The following KIAA1549L variants were observed in gnomAD, a reference collection of about 807,000 sequenced individuals.
The protein encoded by KIAA1549L is UPF0606 protein KIAA1549L.
KIAA1549L carries 88 observed loss-of-function variants against 160.7 expected under a neutral mutation model. The ratio of observed to expected loss-of-function variants is 0.55; its 90% confidence interval spans 0.46 to 0.65. KIAA1549L has a LOEUF of 0.65. Among genes scored for constraint, KIAA1549L ranks in the 30% least tolerant of loss-of-function variants. The pLI, the probability that KIAA1549L is intolerant of heterozygous loss-of-function variation, is 0.00. For synonymous variants in KIAA1549L, 950 were observed against 976.7 expected, an observed-to-expected ratio of 0.97 and a Z score of 0.51; for missense variants, 2,258 against 2,437.5, an observed-to-expected ratio of 0.93 and a Z score of 1.55.
chr11:33,452,531 C>A (rs1376517898), intron 1 of KIAA1549L, among the ~76,000 whole-genome samples: 3 of 152,146 alleles, frequency 2.0e-5, no homozygotes, highest in African/African-American at 4.8e-5. Flanking sequence ...TGGCGTGAAC[C>A]CAGGAGGTGG....
chr11:33,615,151 C>T lies in KIAA1549L; in HGVS notation c.5280-3382C>T, dbSNP rs74406349. ...AGCCACCTCCCAAATAAATGACTTA[C>T]ACTCAAATCATTCTAGAACCTGCTT... On this transcript the variant is annotated intron_variant, in intron 15 of 20. Coordinates refer to ENST00000658780, the MANE Select transcript of KIAA1549L (RefSeq NM_012194.3). Among the ~76,000 whole-genome samples, 14 of 152,200 alleles carry T rather than the reference C, an allele frequency of 9.2e-5. No individual in the cohort carries two copies. The East Asian group carries it at 2.7e-3, about 29-fold the overall frequency.
At chr11:33,467,115 T>A (rs1377315642) in intron 1 of KIAA1549L, among the ~76,000 whole-genome samples, 3 of 152,202 alleles carry the variant, frequency 2.0e-5, no homozygotes, top group Non-Finnish European at 4.4e-5. Flanking sequence ...ACTTAAAGTA[T>A]AATAAGAAAA....
At chr11:33,660,504 G>C (rs1210200967) in intron 19 of KIAA1549L, among the ~76,000 whole-genome samples, 1 of 152,082 alleles carries the variant, frequency 6.6e-6, no homozygotes, top group Non-Finnish European at 1.5e-5. Context: ...GGAGGAGTTT[G>C]CAGTGAGCCA....
chr11:33,386,753 G>T (rs1374071469), intron 1 of KIAA1549L, among the ~76,000 whole-genome samples: 2 of 151,820 alleles, frequency 1.3e-5, no homozygotes, highest in Non-Finnish European at 2.9e-5. Context: ...AGGGGTATTG[G>T]TCTGTAGTTT....
chr11:33,591,346 A>G lies in KIAA1549L; in HGVS notation c.4676A>G (p.Asp1559Gly). The change falls in exon 12 of 21, where the codon GAT (aspartate) becomes GGT (glycine). Residue 1559 changes from aspartate (D) to glycine (G), a missense_variant. By Grantham distance (94) the Asp-to-Gly change is moderately conservative. This residue lies in a region of KIAA1549L where 1,359 missense variants were observed against 1,546.6 expected (regional missense o/e 0.88). Transcript: ENST00000658780. ...GTGGTTCTCCCACTGCCCATTAGAGATGCTCCTCAGGAAAGAGACGTCGCT... is the reference window on the plus strand; with the variant it reads ...GTGGTTCTCCCACTGCCCATTAGAGGTGCTCCTCAGGAAAGAGACGTCGCT... ...ETVVLPLPIR[D>G]APQERDVAQD... is the part of the protein sequence containing the mutation. 1 of 1,613,720 alleles carries G rather than the reference A, an allele frequency of 6.2e-7. No individual in the cohort carries two copies. Among genetic ancestry groups the G allele is most frequent in the East Asian group, 2.2e-5 (1 of 44,858 alleles).
intron 1 of KIAA1549L, among the ~76,000 whole-genome samples, chr11:33,393,887 AAAGG>A (rs1203960076): frequency 1.4e-4 from 22 of 152,314 alleles, no homozygotes; most frequent in African/African-American, 3.1e-4. Flanking sequence ...TTGTGTATAT[AAAGG>A]AAGGAAGAGA....
intron 20 of KIAA1549L, among the ~76,000 whole-genome samples, chr11:33,664,003 G>A (rs1415902821): frequency 1.3e-5 from 2 of 152,288 alleles, no homozygotes; most frequent in East Asian, 3.9e-4. Context: ...TCTTTGGTGA[G>A]CCCAATAACC....
chr11:33,422,191 C>T lies in KIAA1549L; in HGVS notation c.238+45302C>T, dbSNP rs186532060. ...GGTATACCTGTGGATGCCCAGGATC[C>T]ACACTTTCGATCTCTTGAATTGGAA... On this transcript the variant is annotated intron_variant, in intron 1 of 20. Transcript: ENST00000658780. Among the ~76,000 whole-genome samples, 206 of 151,904 alleles carry T rather than the reference C, an allele frequency of 1.4e-3. 1 individual carries two copies. The highest frequency in any genetic ancestry group is 4.8e-3 in the African/African-American group (200 of 41,360).
At chr11:33,525,592 C>T (rs559062595) in intron 1 of KIAA1549L, among the ~76,000 whole-genome samples, 9 of 93,762 alleles carry the variant, frequency 9.6e-5, no homozygotes, top group African/African-American at 2.6e-4. Context: ...TGGTCGGGGT[C>T]GGGGGGTGGG....
rs1359862932 is a variant in KIAA1549L at position 33,614,596 on chromosome 11, T to A, written c.5280-3937T>A. Among the ~76,000 whole-genome samples the A allele has an allele frequency of 3.6e-4, 20 of 56,064 alleles. 2 individuals carry two copies. In the South Asian group the frequency reaches 4.7e-3, roughly 13 times the overall value. 36.8% of individuals were successfully genotyped at this position (56,064 alleles called of 152,430 possible). A position where few individuals can be genotyped will look rare whatever the true frequency, so the allele number is the denominator to read the frequency against. ...TATATATATATATATTTTTTTTTTT[T>A]TTTTTTTTTTTTTTTTTTTGGTGTA... On this transcript the variant is annotated intron_variant, in intron 15 of 20. Coordinates refer to ENST00000658780, the MANE Select transcript of KIAA1549L (RefSeq NM_012194.3).
In KIAA1549L at chr11:33,598,809, G is replaced by A; in HGVS notation, c.4752-11G>A. ...ACTTACCGTCTCCCCTGTTGCTATG[G>A]TTACCTCCAGCAGGTCGCCCAGTGA... On this transcript the variant is annotated splice_polypyrimidine_tract_variant and intron_variant, in intron 12 of 20. Transcript: ENST00000658780. 1 of 1,613,762 alleles carries A rather than the reference G, an allele frequency of 6.2e-7. No individual in the cohort carries two copies.
intron 12 of KIAA1549L, among the ~76,000 whole-genome samples, chr11:33,591,974 A>G (rs993228525): frequency 3.3e-5 from 5 of 152,224 alleles, no homozygotes; most frequent in African/African-American, 1.2e-4. Flanking sequence ...GGGCTGTAGT[A>G]AAGTCAGGAG....
In KIAA1549L at chr11:33,576,601, C is replaced by T. The variant is rs550609736; in HGVS notation, c.4402+1728C>T. Among the ~76,000 whole-genome samples the T allele has an allele frequency of 1.6e-4, 25 of 152,148 alleles. No individual in the cohort carries two copies. In the South Asian group the frequency reaches 3.5e-3, roughly 21 times the overall value. On this transcript the variant is annotated intron_variant, in intron 10 of 20. Transcript: ENST00000658780. The stretch of plus-strand genomic sequence containing the variant: ...GTGAAAACCACTGCAGGTGTCCAGG[C>T]GAGAGCTGAAGGTACTAAAAGTGGA...
chr11:33,658,624 T>A, intron 18 of KIAA1549L, 126 bp from the exon 19 acceptor site: 3 of 905,288 alleles, frequency 3.3e-6, no homozygotes, highest in Non-Finnish European at 5.1e-6. Flanking sequence ...ATAAATCCAG[T>A]CCTGGGGACC....
Position 33,502,015 on chromosome 11 carries a change from A to T in KIAA1549L, c.239-39787A>T, listed in dbSNP as rs150508025. Among the ~76,000 whole-genome samples the T allele has an allele frequency of 8.7e-3, 1,329 of 152,262 alleles. 11 individuals carry two copies. The highest frequency in any genetic ancestry group is 0.014 in the Non-Finnish European group (938 of 68,032). On this transcript the variant is annotated intron_variant, in intron 1 of 20. Transcript: ENST00000658780. ...ATGGGAGGAAAGAATGAGGGAAGCA[A>T]ATTCTCCAAGCACACACAGAGAGAT...
chr11:33,421,605 C>A (rs963352307), intron 1 of KIAA1549L, among the ~76,000 whole-genome samples: 7 of 152,362 alleles, frequency 4.6e-5, no homozygotes, highest in African/African-American at 1.7e-4. Flanking sequence ...CTTGGTCAAA[C>A]ATTGAATGTT....
chr11:33,408,489 G>GTGTATATATATATATATATATA (rs34208718), intron 1 of KIAA1549L, among the ~76,000 whole-genome samples: 56 of 123,048 alleles, frequency 4.6e-4, no homozygotes, highest in East Asian at 1.5e-3. Context: ...CTGTATATGT[G>GTGTATATATATATATATATATA]TATATATATA....
rs1363527789 is a variant in KIAA1549L, at chr11:33,671,094, C to T, written c.*2940C>T. 1.3e-5 allele frequency: 2 copies of T among 152,208 alleles called. No individual in the cohort carries two copies. The highest frequency in any genetic ancestry group is 2.9e-5 in the Non-Finnish European group (2 of 68,036). 9.4% of individuals were successfully genotyped at this position (152,208 alleles called of 1,614,324 possible). A position where few individuals can be genotyped will look rare whatever the true frequency, so the allele number is the denominator to read the frequency against. ...CAGATACAGTGTATAGAGGATGATG[C>T]ATTTGTGGCATAATAAATAGTTTTC... On this transcript the variant is annotated 3_prime_UTR_variant, in exon 21 of 21. Transcript: ENST00000658780.
intron 1 of KIAA1549L, among the ~76,000 whole-genome samples, chr11:33,531,301 C>T (rs975652224): frequency 1.7e-4 from 26 of 152,132 alleles, no homozygotes; most frequent in African/African-American, 5.8e-4. Context: ...GGTAAAACCC[C>T]GTCTCTACTA....
Sources: gnomAD v4.1 joint callset for allele counts (sites outside exome capture counted in the v4.1 genomes callset) on GRCh38, gnomAD v4.1.1 for gene constraint, gnomAD v4.1.1 regional missense constraint, MANE v1.5 for transcripts, NCBI Gene and HGNC (gene_info 2026-07-23, HGNC 2026-07-21) for gene names.